DNAJB14: variants seen among roughly 807,000 people sequenced by gnomAD.
DNAJB14 encodes dnaJ homolog subfamily B member 14.
DNAJB14 carries 22 observed loss-of-function variants against 48.4 expected under a neutral mutation model. The observed-to-expected ratio is 0.45, with a 90% confidence interval of 0.32 to 0.65. The LOEUF (loss-of-function observed/expected upper bound fraction) is 0.65. Among genes scored for constraint, DNAJB14 ranks in the 30% least tolerant of loss-of-function variants. The pLI is 0.03. For synonymous variants in DNAJB14, 142 were observed against 158.7 expected, an observed-to-expected ratio of 0.89 and a Z score of 0.79; for missense variants, 319 against 458.8, an observed-to-expected ratio of 0.70 and a Z score of 2.78.
rs768701753 is a variant in DNAJB14 at position 99,906,567 on chromosome 4, G to C, written c.682C>G (p.Gln228Glu). 2 of 1,611,426 alleles carry C rather than the reference G, an allele frequency of 1.2e-6. No individual in the cohort carries two copies. Among genetic ancestry groups the C allele is most frequent in the East Asian group, 4.5e-5 (2 of 44,820 alleles). The change falls in exon 5 of 8, where the codon CAA (glutamine) becomes GAA (glutamate). Residue 228 changes from glutamine to glutamate, a missense_variant. Coordinates refer to ENST00000442697, the MANE Select transcript of DNAJB14 (RefSeq NM_001031723.4). The part of the protein sequence containing the change: ...FSNGRAGYSQ[Q>E]HQHRHSGHER... ...TGTCCACTATGTCGATGCTGATGTTGTTGGCTATAACCAGCTCTTCCATTT... is the reference window on the plus strand; with the variant it reads ...TGTCCACTATGTCGATGCTGATGTTCTTGGCTATAACCAGCTCTTCCATTT...
At chr4:99,902,934 T>G (rs1360436090) in intron 7 of DNAJB14, among the ~76,000 whole-genome samples, 1 of 152,154 alleles carries the variant, frequency 6.6e-6, no homozygotes, top group East Asian at 1.9e-4. Context: ...AGGCATTATA[T>G]AAATGATAGC....
chr4:99,920,833 G>C (rs1726028271), intron 3 of DNAJB14, among the ~76,000 whole-genome samples: 2 of 152,110 alleles, frequency 1.3e-5, no homozygotes, highest in African/African-American at 2.4e-5. Flanking sequence ...TGAAGGAAAT[G>C]AAAGCAAGTA....
chr4:99,935,089 C>CA (rs908212003), intron 1 of DNAJB14, among the ~76,000 whole-genome samples: 11 of 151,182 alleles, frequency 7.3e-5, no homozygotes, highest in African/African-American at 1.9e-4. Flanking sequence ...TGAAGAAAAA[C>CA]AAAAAAATAG....
intron 2 of DNAJB14, chr4:99,924,756 C>G (rs557038442): frequency 6.2e-7 from 1 of 1,611,340 alleles, no homozygotes; most frequent in East Asian, 2.2e-5. Context: ...TATAAAATAC[C>G]TACTGTGTGT....
chr4:99,941,145 A>G (rs934937807), intron 1 of DNAJB14, among the ~76,000 whole-genome samples: 4 of 152,182 alleles, frequency 2.6e-5, no homozygotes, highest in Admixed American at 2.0e-4. Flanking sequence ...AATATATGTA[A>G]AATACTGTTA....
chr4:99,915,696 A>T (rs1032662147), intron 3 of DNAJB14, among the ~76,000 whole-genome samples: 1 of 152,144 alleles, frequency 6.6e-6, no homozygotes, highest in African/African-American at 2.4e-5. Flanking sequence ...AAGAATTTGT[A>T]GTCTGCTGTT....
intron 1 of DNAJB14, among the ~76,000 whole-genome samples, chr4:99,946,089 G>A (rs760425661): frequency 9.9e-5 from 15 of 152,230 alleles, no homozygotes; most frequent in Non-Finnish European, 1.9e-4. Flanking sequence ...GAGGGAGGGG[G>A]CCACATAAAC....
Position 99,899,646 on chromosome 4 carries a change from C to G in DNAJB14, c.*1382G>C, listed in dbSNP as rs1473232545. ...GAACAAAGCCACCCTATCTAGCATT[C>G]TCTCACTCACAAAGAAGTATCAAAG... On this transcript the variant is annotated 3_prime_UTR_variant, in exon 8 of 8. Transcript: ENST00000442697. 1 of 152,308 alleles carries G rather than the reference C, an allele frequency of 6.6e-6. No individual in the cohort carries two copies. The allele number at this position is 152,308 out of a possible 1,614,324, so 9.4% of individuals were successfully genotyped here.
intron 1 of DNAJB14, among the ~76,000 whole-genome samples, chr4:99,945,963 C>T (rs1727052478): frequency 6.6e-6 from 1 of 152,204 alleles, no homozygotes; most frequent in Non-Finnish European, 1.5e-5. Flanking sequence ...TCGATGTTTG[C>T]TTTGGGAACA....
intron 1 of DNAJB14, among the ~76,000 whole-genome samples, chr4:99,944,242 G>T (rs943685703): frequency 6.6e-5 from 10 of 152,170 alleles, no homozygotes; most frequent in Admixed American, 6.5e-4. Context: ...AACAAAAACA[G>T]AAAATAGGTG....
chr4:99,913,582 G>C (rs748954670), intron 3 of DNAJB14, among the ~76,000 whole-genome samples: 13 of 148,928 alleles, frequency 8.7e-5, no homozygotes, highest in Non-Finnish European at 1.6e-4. Context: ...ATTTTGTTAA[G>C]GACATTTGGG....
intron 3 of DNAJB14, among the ~76,000 whole-genome samples, chr4:99,912,548 C>T (rs972008559): frequency 1.2e-4 from 18 of 152,096 alleles, no homozygotes; most frequent in African/African-American, 4.1e-4. Flanking sequence ...GGCGCGATCT[C>T]GGCTCATTGC....
intron 3 of DNAJB14, among the ~76,000 whole-genome samples, chr4:99,909,574 C>G (rs1725587471): frequency 6.6e-6 from 1 of 151,978 alleles, no homozygotes; most frequent in African/African-American, 2.4e-5. Context: ...TAAATACAGA[C>G]AGTCCTCAGT....
At chr4:99,906,004 T>G in intron 5 of DNAJB14, 6 of 1,299,286 alleles carry the variant, frequency 4.6e-6, no homozygotes, top group Non-Finnish European at 5.0e-6. Context: ...AGAGACGCTA[T>G]CAATATGCTG....
intron 2 of DNAJB14, 165 bp downstream of exon 2, chr4:99,930,285 T>G: frequency 1.8e-6 from 1 of 555,158 alleles, no homozygotes; most frequent in Non-Finnish European, 2.9e-6. Context: ...AGTTGGTACT[T>G]TACAGACCAG....
chr4:99,897,897 A>G lies in DNAJB14; in HGVS notation c.*3131T>C, dbSNP rs959969929. The G allele has an allele frequency of 2.0e-5, 3 of 151,974 alleles. No individual in the cohort carries two copies. The highest frequency in any genetic ancestry group is 4.4e-5 in the Non-Finnish European group (3 of 67,864). The allele number at this position is 151,974 out of a possible 1,614,324, so 9.4% of individuals were successfully genotyped here. On this transcript the variant is annotated 3_prime_UTR_variant, in exon 8 of 8. Coordinates refer to ENST00000442697, the MANE Select transcript of DNAJB14 (RefSeq NM_001031723.4). ...TGGTCCTCTGATATAAAACTTGCTT[A>G]ACTGGCAAGATGGCTCACTTGGTCC...
chr4:99,931,888 C>T (rs1306593241), intron 1 of DNAJB14, among the ~76,000 whole-genome samples: 1 of 151,938 alleles, frequency 6.6e-6, no homozygotes, highest in Non-Finnish European at 1.5e-5. Context: ...GAAATAACTA[C>T]AATAGAAATT....
chr4:99,912,636 C>T (rs926121742), intron 3 of DNAJB14, among the ~76,000 whole-genome samples: 13 of 152,252 alleles, frequency 8.5e-5, no homozygotes, highest in Middle Eastern at 3.4e-3. Context: ...TGCGCCACCA[C>T]GCCTCGCTAA....
chr4:99,946,302 A>T, intron 1 of DNAJB14, 137 bp downstream of exon 1: 1 of 1,365,532 alleles, frequency 7.3e-7, no homozygotes, highest in Non-Finnish European at 1.0e-6. Context: ...GATGCTCCCC[A>T]CCGGGCCTGG....
Sources: allele counts gnomAD v4.1 joint callset (sites outside exome capture counted in the v4.1 genomes callset), GRCh38; gene constraint gnomAD v4.1.1; transcripts MANE v1.5; gene names NCBI Gene and HGNC (gene_info 2026-07-23, HGNC 2026-07-21).